The following INTS6 variants were observed in gnomAD, a reference collection of about 807,000 sequenced individuals.
INTS6 encodes DEAD box protein.
INTS6 carries 16 observed loss-of-function variants against 104.9 expected under a neutral mutation model. That is an observed-to-expected ratio of 0.15 (90% CI 0.10 to 0.23). INTS6 has a LOEUF of 0.23. Ranked by LOEUF, INTS6 falls within the 10% of genes least tolerant of loss-of-function variation. INTS6 has a pLI of 1.00. For synonymous variants in INTS6, 324 were observed against 358.7 expected (o/e 0.90, Z 1.09); for missense variants, 584 against 1,062.8 (o/e 0.55, Z 6.26).
At chr13:51,419,446 A>G (rs1956856004) in intron 4 of INTS6, among the ~76,000 whole-genome samples, 1 of 152,166 alleles carries the variant, frequency 6.6e-6, no homozygotes, top group African/African-American at 2.4e-5. Flanking sequence ...TTTGCCAGCT[A>G]TCAATACTGA....
the INTS6 span, chr13:51,335,834 C>T: frequency 6.6e-6 from 1 of 152,192 alleles, no homozygotes; most frequent in Non-Finnish European, 1.5e-5. Context: ...TACTCAAAAA[C>T]ATTAGGGAAT....
At chr13:51,441,284 T>C (rs149640374) in intron 3 of INTS6, 31 of 152,324 alleles carry the variant, frequency 2.0e-4, no homozygotes, top group African/African-American at 7.5e-4. Flanking sequence ...TTTCAATTTT[T>C]AAAATTCAAA....
intron 4 of INTS6, among the ~76,000 whole-genome samples, chr13:51,428,964 A>C (rs774206171): frequency 5.9e-5 from 9 of 152,182 alleles, no homozygotes; most frequent in Non-Finnish European, 7.4e-5. Flanking sequence ...TGAAAGAATA[A>C]TACTATATAC....
chr13:51,429,785 A>AAAAAAAAAAAAATATATATAT (rs1156333077), intron 4 of INTS6, among the ~76,000 whole-genome samples: 7 of 92,376 alleles, frequency 7.6e-5, no homozygotes, highest in Non-Finnish European at 9.9e-5. Context: ...AAAAAAAAAA[A>AAAAAAAAAAAAATATATATAT]ATATATATAT....
Position 51,452,117 on chromosome 13 carries a change from C to G in INTS6, c.112-62G>C. ...GAAGCACAGAGGCGAGGTTACGAGG[C>G]GGAGAAGGGGCGCCCAGCGGCCCCG... On this transcript the variant is annotated intron_variant, in intron 1 of 17. Coordinates refer to ENST00000311234, the MANE Select transcript of INTS6 (RefSeq NM_012141.3). The surrounding 1 kb of genome is among the most constrained non-coding windows in gnomAD (Gnocchi z 4.2). The G allele has an allele frequency of 1.3e-5, 20 of 1,501,652 alleles. No homozygotes were observed. The highest frequency in any genetic ancestry group is 1.8e-5 in the Non-Finnish European group (20 of 1,089,700). The allele number at this position is 1,501,652 out of a possible 1,614,324, so 93.0% of individuals were successfully genotyped here. A position where few individuals can be genotyped will look rare whatever the true frequency, so the allele number is the denominator to read the frequency against.
At chr13:51,440,050 C>A (rs1952765317) in intron 3 of INTS6, 1 of 152,228 alleles carries the variant, frequency 6.6e-6, no homozygotes, top group African/African-American at 2.4e-5. Context: ...GTCAGGAGAG[C>A]ATGATGGCTA....
chr13:51,399,713 T>C (rs1279600216), intron 4 of INTS6, among the ~76,000 whole-genome samples: 2 of 151,778 alleles, frequency 1.3e-5, no homozygotes, highest in Admixed American at 6.6e-5. Context: ...TGTGGGTGTG[T>C]GTGTGTGTGC....
intron 3 of INTS6, among the ~76,000 whole-genome samples, chr13:51,354,591 GAAA>G (rs11318595): frequency 1.5e-5 from 2 of 129,996 alleles, no homozygotes; most frequent in African/African-American, 2.9e-5. Context: ...CCCCATCTCA[GAAA>G]AAAAAAAAAA....
At chr13:51,361,358 G>A (rs377232526), downstream of INTS6, 2 of 1,602,138 alleles carry the variant, frequency 1.2e-6, no homozygotes, top group Non-Finnish European at 1.7e-6. Flanking sequence ...GGCATCTGGA[G>A]CCACAGGTAT....
chr13:51,409,041 C>G (rs1393396123), intron 4 of INTS6, among the ~76,000 whole-genome samples: 1 of 152,006 alleles, frequency 6.6e-6, no homozygotes, highest in Admixed American at 6.6e-5. Context: ...GAGTCTACGC[C>G]TTCCCCAGAC....
At position 51,389,327 on chromosome 13, in the gene INTS6, G is replaced by T; in HGVS notation, c.731C>A (p.Pro244His). Residue 244 changes from proline (P) to histidine (H), a missense_variant, in exon 6 of 18, where the codon CCT (proline) becomes CAT (histidine). By Grantham distance (77) the Pro-to-His change is moderately conservative. This residue lies in a region of INTS6 where 144 missense variants were observed against 348.7 expected (regional missense o/e 0.41). Coordinates refer to ENST00000311234, the MANE Select transcript of INTS6 (RefSeq NM_012141.3). ...GAAAAGTGCAATAATACCTTCTACA[G>T]GGGAAGGATCTGGTCCTGCTTTTTC... The part of the protein sequence containing the change: ...NFEKAGPDPS[P>H]VEDGQPDISR... 6.2e-7 allele frequency: 1 copy of T among 1,612,268 alleles called. No homozygotes were observed.
chr13:51,397,538 G>A (rs1011968198), intron 4 of INTS6, among the ~76,000 whole-genome samples: 4 of 152,174 alleles, frequency 2.6e-5, no homozygotes, highest in Non-Finnish European at 5.9e-5. Context: ...AAACAGCTCA[G>A]GAGCTCCAGG....
At chr13:51,415,602 C>A (rs1002550290) in intron 4 of INTS6, among the ~76,000 whole-genome samples, 1 of 152,156 alleles carries the variant, frequency 6.6e-6, no homozygotes, top group African/African-American at 2.4e-5. Flanking sequence ...CCTTGCCTTC[C>A]ACCAGGATTG....
downstream of INTS6, chr13:51,361,290 T>A: frequency 6.2e-7 from 1 of 1,608,920 alleles, no homozygotes; most frequent in Admixed American, 1.7e-5. Context: ...CAAGATGGCT[T>A]TTATGTTTCT....
chr13:51,430,163 T>C (rs980730175), intron 4 of INTS6, 131 bp downstream of exon 4: 35 of 703,308 alleles, frequency 5.0e-5, no homozygotes, highest in Non-Finnish European at 7.8e-5. Context: ...AGATGGGCCA[T>C]AGGAGACAGA....
chr13:51,452,886 A>C lies in INTS6; in HGVS notation c.-361T>G. The C allele has an allele frequency of 8.9e-7, 1 of 1,119,198 alleles. No individual in the cohort carries two copies. The highest frequency in any genetic ancestry group is 1.1e-6 in the Non-Finnish European group (1 of 910,738). The allele number at this position is 1,119,198 out of a possible 1,614,324, so 69.3% of individuals were successfully genotyped here. A position where few individuals can be genotyped will look rare whatever the true frequency, so the allele number is the denominator to read the frequency against. On this transcript the variant is annotated 5_prime_UTR_variant, in exon 1 of 18. Coordinates refer to ENST00000311234, the MANE Select transcript of INTS6 (RefSeq NM_012141.3). This position sits in a 1 kb window ranked among gnomAD's most constrained non-coding sequence, Gnocchi z 4.2. Reference sequence around the variant, plus strand: ...GGAGACGGGCCTGGCTCCCCACCCCACCCCCGGTACAGGAGTGGGGACCTG... The same window carrying C: ...GGAGACGGGCCTGGCTCCCCACCCCCCCCCCGGTACAGGAGTGGGGACCTG...
At chr13:51,418,043 A>G (rs1322238349) in intron 4 of INTS6, among the ~76,000 whole-genome samples, 1 of 152,250 alleles carries the variant, frequency 6.6e-6, no homozygotes, top group Non-Finnish European at 1.5e-5. Flanking sequence ...ATTGAGAATT[A>G]CAGGAGATGT....
chr13:51,358,058 G>A (rs539259425), downstream of INTS6, among the ~76,000 whole-genome samples: 1 of 152,128 alleles, frequency 6.6e-6, no homozygotes, highest in African/African-American at 2.4e-5. Context: ...GTGGGCTAGA[G>A]GAGACAAATG....
chr13:51,418,595 T>C (rs1230552155), intron 4 of INTS6, among the ~76,000 whole-genome samples: 2 of 152,222 alleles, frequency 1.3e-5, no homozygotes, highest in African/African-American at 2.4e-5. Flanking sequence ...TTAGTTCCTA[T>C]TGTTACACTC....
Sources: gnomAD v4.1 joint callset for allele counts (sites outside exome capture counted in the v4.1 genomes callset) on GRCh38, gnomAD v4.1.1 for gene constraint, gnomAD v4.1.1 regional missense constraint, Gnocchi (gnomAD v3.1) non-coding constraint, MANE v1.5 for transcripts, NCBI Gene and HGNC (gene_info 2026-07-23, HGNC 2026-07-21) for gene names.